Variants in CDH13 observed in about 807,000 individuals in gnomAD.
CDH13 encodes cadherin-13.
CDH13 carries 24 observed loss-of-function variants against 63.8 expected under a neutral mutation model. That is an observed-to-expected ratio of 0.38 (90% CI 0.27 to 0.53). CDH13 has a LOEUF of 0.53. Among genes scored for constraint, CDH13 ranks in the 20% least tolerant of loss-of-function variants. CDH13 has a pLI of 0.85. For missense variants in CDH13, 1,049 were observed against 903.1 expected (o/e 1.16, Z -2.07); for synonymous variants, 503 against 355.3 (o/e 1.42, Z -4.67).
At chr16:83,178,510 C>T (rs560847281) in intron 4 of CDH13, among the ~76,000 whole-genome samples, 18 of 152,262 alleles carry the variant, frequency 1.2e-4, no homozygotes, top group South Asian at 6.2e-4. Context: ...CAGCTACTCA[C>T]GCAAATAACT....
intron 1 of CDH13, among the ~76,000 whole-genome samples, chr16:82,761,344 G>A (rs2034849198): frequency 6.6e-6 from 1 of 152,070 alleles, no homozygotes; most frequent in African/African-American, 2.4e-5. Flanking sequence ...ATTTGGAGGT[G>A]ACAAATATCC....
chr16:83,057,102 G>A (rs561106733), intron 3 of CDH13, among the ~76,000 whole-genome samples: 2 of 152,072 alleles, frequency 1.3e-5, no homozygotes, highest in African/African-American at 2.4e-5. Context: ...AAGTAGCTGG[G>A]ATTACAGGCA....
intron 2 of CDH13, among the ~76,000 whole-genome samples, chr16:82,912,287 C>G (rs899048089): frequency 1.2e-4 from 18 of 152,018 alleles, no homozygotes; most frequent in African/African-American, 4.3e-4. Flanking sequence ...CACGAATGGA[C>G]TCTGTCATAC....
At chr16:82,629,041 C>A (rs529155579) in intron 1 of CDH13, among the ~76,000 whole-genome samples, 1 of 152,366 alleles carries the variant, frequency 6.6e-6, no homozygotes, top group African/African-American at 2.4e-5. Context: ...CTTCACAGTC[C>A]TCTTTCTTTC....
At chr16:83,467,689 T>C (rs2073351446) in intron 6 of CDH13, among the ~76,000 whole-genome samples, 1 of 152,158 alleles carries the variant, frequency 6.6e-6, no homozygotes, top group Admixed American at 6.5e-5. Context: ...CTCTGCTGTC[T>C]GTGTCGTTCC....
chr16:82,814,708 G>A (rs1467725931), intron 1 of CDH13, among the ~76,000 whole-genome samples: 1 of 152,138 alleles, frequency 6.6e-6, no homozygotes, highest in African/African-American at 2.4e-5. Flanking sequence ...GAGCACTTCT[G>A]TGAGTCACTG....
chr16:83,074,041 G>T (rs6565113), intron 3 of CDH13, among the ~76,000 whole-genome samples: 92,283 of 151,886 alleles, frequency 0.61, 28,968 homozygotes, highest in African/African-American at 0.78. Flanking sequence ...CAATACATTG[G>T]TGTGAGCTGT....
At chr16:82,783,957 A>G (rs1225962012) in intron 1 of CDH13, among the ~76,000 whole-genome samples, 2 of 152,220 alleles carry the variant, frequency 1.3e-5, no homozygotes, top group African/African-American at 4.8e-5. Context: ...TTAATGTTAG[A>G]AATTCAATTT....
chr16:83,390,071 A>T (rs1042533616), intron 6 of CDH13, among the ~76,000 whole-genome samples: 7 of 150,940 alleles, frequency 4.6e-5, no homozygotes, highest in Admixed American at 1.3e-4. Context: ...AGAAAAAAAA[A>T]TGCACATCTC....
chr16:83,544,538 T>G (rs1214527862), intron 7 of CDH13, among the ~76,000 whole-genome samples: 1 of 152,198 alleles, frequency 6.6e-6, no homozygotes, highest in East Asian at 1.9e-4. Flanking sequence ...ATGAGATGTT[T>G]AACACTTCGT....
At chr16:83,330,608 G>A (rs555275035) in intron 5 of CDH13, among the ~76,000 whole-genome samples, 2 of 152,314 alleles carry the variant, frequency 1.3e-5, no homozygotes, top group East Asian at 3.9e-4. Context: ...CACAGATAGG[G>A]AAATGGCAGG....
At chr16:83,024,015 G>T (rs553498307) in intron 2 of CDH13, among the ~76,000 whole-genome samples, 15 of 152,154 alleles carry the variant, frequency 9.9e-5, no homozygotes, top group African/African-American at 3.6e-4. Context: ...TTTTTATCAA[G>T]ACTTCATTAT....
intron 2 of CDH13, among the ~76,000 whole-genome samples, chr16:83,019,558 C>T (rs1250045870): frequency 6.7e-6 from 1 of 150,372 alleles, no homozygotes; most frequent in Non-Finnish European, 1.5e-5. Flanking sequence ...TACCGTGGCC[C>T]GATCTCAGCT....
chr16:82,795,864 C>G (rs980848312), intron 1 of CDH13, among the ~76,000 whole-genome samples: 5 of 152,024 alleles, frequency 3.3e-5, no homozygotes, highest in Non-Finnish European at 7.4e-5. Context: ...GCATCTCCAT[C>G]TCTCATAGGC....
intron 6 of CDH13, among the ~76,000 whole-genome samples, chr16:83,447,087 T>C (rs1598042239): frequency 7.2e-6 from 1 of 138,380 alleles, no homozygotes; most frequent in African/African-American, 2.6e-5. Context: ...AAAAACACCT[T>C]ATAGTAACCT....
At position 82,964,639 on chromosome 16, in the gene CDH13, C is replaced by T. The variant is rs1907543302; in HGVS notation, c.158-67371C>T. Among the ~76,000 whole-genome samples, 3 of 152,214 alleles carry T rather than the reference C, an allele frequency of 2.0e-5. No homozygotes were observed. The South Asian group carries it at 6.2e-4, about 32-fold the overall frequency. ...AAGAAACCAACTTATAACACTTCTT[C>T]ATAAAGGGACTGAGAAAATATATGT... On this transcript the variant is annotated intron_variant, in intron 2 of 13. Transcript: ENST00000567109.
At chr16:83,649,819 C>A (rs1239480004) in intron 8 of CDH13, among the ~76,000 whole-genome samples, 3 of 152,200 alleles carry the variant, frequency 2.0e-5, no homozygotes, top group African/African-American at 7.2e-5. Context: ...CACTTTGCAG[C>A]TTTGCTGAAG....
At chr16:82,671,988 C>T (rs62040576) in intron 1 of CDH13, among the ~76,000 whole-genome samples, 36,741 of 152,076 alleles carry the variant, frequency 0.24, 5,694 homozygotes, top group Non-Finnish European at 0.35. Flanking sequence ...GAGACTATCA[C>T]CTGCTTTGGA....
chr16:83,526,549 C>T (rs758763456), intron 7 of CDH13, among the ~76,000 whole-genome samples: 1 of 152,160 alleles, frequency 6.6e-6, no homozygotes, highest in Non-Finnish European at 1.5e-5. Context: ...GACAGGATAC[C>T]GAGCTCAGAT....
Sources: allele counts gnomAD v4.1 joint callset (sites outside exome capture counted in the v4.1 genomes callset), GRCh38; gene constraint gnomAD v4.1.1; transcripts MANE v1.5; gene names NCBI Gene and HGNC (gene_info 2026-07-23, HGNC 2026-07-21).